The following CDH18 variants were observed in gnomAD, a reference collection of about 807,000 sequenced individuals.
The protein encoded by CDH18 is cadherin 18.
CDH18 carries 31 observed loss-of-function variants against 67.9 expected under a neutral mutation model. The observed-to-expected ratio is 0.46, with a 90% CI of 0.34 to 0.62. The LOEUF is 0.62. Among genes scored for constraint, CDH18 ranks in the 20% least tolerant of loss-of-function variants. CDH18 has a pLI of 0.01. For synonymous variants in CDH18, 362 were observed against 347.2 expected, an observed-to-expected ratio of 1.04 and a Z score of -0.48; for missense variants, 890 against 975.5, an observed-to-expected ratio of 0.91 and a Z score of 1.17.
At chr5:19,607,964 C>T (rs890158164) in intron 6 of CDH18, among the ~76,000 whole-genome samples, 4 of 151,472 alleles carry the variant, frequency 2.6e-5, no homozygotes, top group African/African-American at 9.7e-5. Context: ...ATATCAAAGC[C>T]TTCGATCTGT....
intron 2 of CDH18, among the ~76,000 whole-genome samples, chr5:20,074,507 C>A (rs1743756640): frequency 6.6e-6 from 1 of 152,060 alleles, no homozygotes. Flanking sequence ...AGTAACATTC[C>A]AAATTAACAG....
chr5:20,070,342 T>A (rs1743371386), intron 2 of CDH18, among the ~76,000 whole-genome samples: 1 of 152,220 alleles, frequency 6.6e-6, no homozygotes, highest in South Asian at 2.1e-4. Context: ...AATTTTTATA[T>A]TTGTGCTAAT....
At position 20,428,498 on chromosome 5, in the gene CDH18, T is replaced by C. The variant is rs562802221; in HGVS notation, c.-580+146964A>G. 5.3e-5 allele frequency among the ~76,000 whole-genome samples: 8 copies of C among 152,354 alleles called. No individual in the cohort carries two copies. The South Asian group carries it at 1.4e-3, about 28-fold the overall frequency. On this transcript the variant is annotated intron_variant, in intron 1 of 14. Transcript: ENST00000507958. The stretch of plus-strand genomic sequence containing the variant: ...CTGGATCAAATGATATTTCTGGTTC[T>C]ATATCCTTAAGGAATTGTCACACTG...
At chr5:20,321,562 C>A (rs549032146) in intron 1 of CDH18, among the ~76,000 whole-genome samples, 1 of 152,006 alleles carries the variant, frequency 6.6e-6, no homozygotes, top group Non-Finnish European at 1.5e-5. Flanking sequence ...AAAAAAAGTG[C>A]TATACTCTTT....
chr5:19,649,629 G>A (rs1461979170), intron 5 of CDH18, among the ~76,000 whole-genome samples: 1 of 151,870 alleles, frequency 6.6e-6, no homozygotes, highest in Non-Finnish European at 1.5e-5. Context: ...GGAATAAAAT[G>A]GTCAATATAT....
chr5:19,763,925 G>A (rs1470694545), intron 3 of CDH18, among the ~76,000 whole-genome samples: 1 of 142,120 alleles, frequency 7.0e-6, no homozygotes, highest in Non-Finnish European at 1.5e-5. Context: ...AAGGAGGGTG[G>A]ATCACCTGAG....
chr5:19,852,571 G>GAA (rs1783830579), intron 2 of CDH18, among the ~76,000 whole-genome samples: 1 of 151,880 alleles, frequency 6.6e-6, no homozygotes, highest in African/African-American at 2.4e-5. Context: ...AAGTTCAATA[G>GAA]CTTTATTGAA....
intron 1 of CDH18, among the ~76,000 whole-genome samples, chr5:20,474,699 C>A (rs1046748832): frequency 1.3e-5 from 2 of 152,102 alleles, no homozygotes; most frequent in Non-Finnish European, 2.9e-5. Flanking sequence ...AGAAGGCAGC[C>A]GCTATGGAGA....
In CDH18 at chr5:19,755,464, C is replaced by CACATATATATATAT. The variant is rs1282333246; in HGVS notation, c.229-8229_229-8228insATATATATATATGT. Among the ~76,000 whole-genome samples, 71 of 81,582 alleles carry CACATATATATATAT rather than the reference C, an allele frequency of 8.7e-4. 5 individuals are homozygous for CACATATATATATAT. The Middle Eastern group carries it at 0.024, about 28-fold the overall frequency. 53.5% of individuals were successfully genotyped at this position (81,582 alleles called of 152,430 possible). A position where few individuals can be genotyped will look rare whatever the true frequency, so the allele number is the denominator to read the frequency against. Reference sequence around the variant, plus strand: ...ATATATATATATATATATATACACACACACACACACATACATAGATATATA... The same window carrying CACATATATATATAT: ...ATATATATATATATATATATACACACACATATATATATATACACACACACATACATAGATATATA... On this transcript the variant is annotated intron_variant, in intron 3 of 12. Transcript: ENST00000382275.
chr5:20,175,181 C>A (rs1047925476), intron 2 of CDH18, among the ~76,000 whole-genome samples: 14 of 151,578 alleles, frequency 9.2e-5, no homozygotes, highest in Non-Finnish European at 1.3e-4. Flanking sequence ...GAAGTTGGAG[C>A]TAACAGAGGA....
intron 1 of CDH18, among the ~76,000 whole-genome samples, chr5:20,376,856 A>C (rs1580860226): frequency 6.6e-6 from 1 of 152,076 alleles, no homozygotes; most frequent in Admixed American, 6.5e-5. Context: ...ATCTCTACTA[A>C]AAGTACTAAA....
At chr5:20,318,559 C>A (rs1737678918) in intron 1 of CDH18, among the ~76,000 whole-genome samples, 1 of 151,996 alleles carries the variant, frequency 6.6e-6, no homozygotes, top group Non-Finnish European at 1.5e-5. Flanking sequence ...AGGAGATCTG[C>A]TTGTTTAAAT....
chr5:19,887,691 C>T, intron 2 of CDH18, among the ~76,000 whole-genome samples: 1 of 151,522 alleles, frequency 6.6e-6, no homozygotes, highest in Admixed American at 6.6e-5. Context: ...GCCTCAGCCT[C>T]CCAATGTGGC....
chr5:19,764,648 T>TATAC (rs1554027637), intron 3 of CDH18, among the ~76,000 whole-genome samples: 19 of 143,824 alleles, frequency 1.3e-4, no homozygotes, highest in African/African-American at 5.1e-4. Flanking sequence ...TATATATATA[T>TATAC]ACACACACAC....
intron 2 of CDH18, among the ~76,000 whole-genome samples, chr5:19,901,973 A>G (rs948020180): frequency 1.3e-5 from 2 of 152,100 alleles, no homozygotes; most frequent in African/African-American, 4.8e-5. Flanking sequence ...ATAAATGTTT[A>G]CCATGCGTAT....
intron 3 of CDH18, among the ~76,000 whole-genome samples, chr5:19,761,678 A>G (rs961233017): frequency 6.6e-6 from 1 of 152,210 alleles, no homozygotes; most frequent in African/African-American, 2.4e-5. Context: ...AAGGTAATTT[A>G]TAGATTCAAT....
chr5:20,180,546 C>A (rs964559145), intron 2 of CDH18, among the ~76,000 whole-genome samples: 1 of 152,126 alleles, frequency 6.6e-6, no homozygotes, highest in Non-Finnish European at 1.5e-5. Flanking sequence ...TAGTGTACTT[C>A]TACATACAAA....
In CDH18 at chr5:19,598,596, A is replaced by T. The variant is rs545686936; in HGVS notation, c.812-7352T>A. Among the ~76,000 whole-genome samples, 11 of 152,294 alleles carry T rather than the reference A, an allele frequency of 7.2e-5. No homozygotes were observed. The East Asian group carries it at 1.9e-3, about 27-fold the overall frequency. On this transcript the variant is annotated intron_variant, in intron 6 of 12. Transcript: ENST00000382275. ...ATACAAACTATATTGAAAACAAAACAAATAAAAAATAAGAAATGAAAAAAC... is the reference window on the plus strand; with the variant it reads ...ATACAAACTATATTGAAAACAAAACTAATAAAAAATAAGAAATGAAAAAAC...
chr5:19,571,131 T>C (rs1349220625), intron 8 of CDH18, among the ~76,000 whole-genome samples: 1 of 152,200 alleles, frequency 6.6e-6, no homozygotes, highest in Non-Finnish European at 1.5e-5. Flanking sequence ...AGACATTATT[T>C]TTCCACTTTT....
Sources: gnomAD v4.1 joint callset for allele counts (sites outside exome capture counted in the v4.1 genomes callset) on GRCh38, gnomAD v4.1.1 for gene constraint, MANE v1.5 for transcripts, NCBI Gene and HGNC (gene_info 2026-07-23, HGNC 2026-07-21) for gene names.